Variants in THSD7A observed in about 807,000 individuals in gnomAD.
THSD7A encodes the protein thrombospondin type-1 domain-containing protein 7A.
THSD7A carries 96 observed loss-of-function variants against 231.3 expected under a neutral mutation model. The observed-to-expected ratio is 0.41, with a 90% CI of 0.35 to 0.49. THSD7A has a LOEUF of 0.49. THSD7A is among the 20% of genes least tolerant of loss of function. THSD7A has a pLI of 0.05. For synonymous variants in THSD7A, 940 were observed against 743.3 expected (o/e 1.26, Z -4.30); for missense variants, 2,290 against 2,070.2 (o/e 1.11, Z -2.06).
chr7:11,690,085 T>C (rs1463616824), intron 1 of THSD7A, among the ~76,000 whole-genome samples: 1 of 151,776 alleles, frequency 6.6e-6, no homozygotes, highest in Non-Finnish European at 1.5e-5. Context: ...ATTCCTCTGC[T>C]AAGTATATTT....
intron 1 of THSD7A, among the ~76,000 whole-genome samples, chr7:11,643,090 C>CT (rs780017395): frequency 2.6e-5 from 4 of 152,010 alleles, no homozygotes; most frequent in Non-Finnish European, 5.9e-5. Context: ...ATGAGAACTA[C>CT]TTTTTGTGCT....
chr7:11,589,024 C>T (rs1780042011), intron 4 of THSD7A, among the ~76,000 whole-genome samples: 1 of 152,144 alleles, frequency 6.6e-6, no homozygotes, highest in African/African-American at 2.4e-5. Flanking sequence ...AATTACTGGT[C>T]ACTGGTGTCA....
In THSD7A at chr7:11,411,922, A is replaced by G. The variant is rs1019598934; in HGVS notation, c.3683-600T>C. Among the ~76,000 whole-genome samples, 2 of 151,380 alleles carry G rather than the reference A, an allele frequency of 1.3e-5. No individual in the cohort carries two copies. The highest frequency in any genetic ancestry group is 2.9e-5 in the Non-Finnish European group (2 of 67,934). On this transcript the variant is annotated intron_variant, in intron 18 of 27. Coordinates refer to ENST00000423059, the MANE Select transcript of THSD7A (RefSeq NM_015204.3). This position sits in a 1 kb window ranked among gnomAD's most constrained non-coding sequence, Gnocchi z 4.1. ...AACTGTGATTTTTTTTTTTTGTATCATCAAAGGAAACTGAAGAGAAAAACC... is the reference window on the plus strand; with the variant it reads ...AACTGTGATTTTTTTTTTTTGTATCGTCAAAGGAAACTGAAGAGAAAAACC...
chr7:11,398,384 C>T (rs929971781), intron 23 of THSD7A, among the ~76,000 whole-genome samples: 6 of 151,512 alleles, frequency 4.0e-5, no homozygotes, highest in African/African-American at 9.7e-5. Flanking sequence ...TGGGGCCTGT[C>T]GAGGGGTAGG....
intron 23 of THSD7A, among the ~76,000 whole-genome samples, chr7:11,395,912 A>G (rs891376221): frequency 3.9e-5 from 6 of 151,998 alleles, no homozygotes; most frequent in Admixed American, 2.6e-4. Context: ...TCCTTAGAAA[A>G]TCCAAAAGAA....
intron 4 of THSD7A, among the ~76,000 whole-genome samples, chr7:11,570,092 AC>A (rs1315321782): frequency 2.0e-5 from 3 of 152,112 alleles, no homozygotes; most frequent in Non-Finnish European, 2.9e-5. Context: ...GGATTGCTTC[AC>A]CCAGGAGGTT....
chr7:11,674,621 C>G (rs894957494), intron 1 of THSD7A, among the ~76,000 whole-genome samples: 1 of 152,068 alleles, frequency 6.6e-6, no homozygotes, highest in African/African-American at 2.4e-5. Context: ...AGACACAAAG[C>G]CAATTGATTA....
chr7:11,723,073 A>C (rs1781414714), intron 1 of THSD7A, among the ~76,000 whole-genome samples: 2 of 152,032 alleles, frequency 1.3e-5, no homozygotes, highest in Admixed American at 6.6e-5. Context: ...ACATGGAACC[A>C]ATCCAAATGT....
In THSD7A at chr7:11,758,010, CATATATATATAT is replaced by C. The variant is rs3037680; in HGVS notation, c.190+73735_190+73746del. 9.9e-3 allele frequency among the ~76,000 whole-genome samples: 1,419 copies of C among 142,812 alleles called. 19 individuals are homozygous for C. The highest frequency in any genetic ancestry group is 0.033 in the African/African-American group (1,322 of 39,848). 93.7% of individuals were successfully genotyped at this position (142,812 alleles called of 152,430 possible). On this transcript the variant is annotated intron_variant, in intron 1 of 27. Transcript: ENST00000423059. ...CTAACATTATATATACATATGCATT[CATATATATATAT>C]ATATATATATATATATAATGTTTCA...
At position 11,637,323 on chromosome 7, in the gene THSD7A, C is replaced by T. The variant is rs935310400; in HGVS notation, c.191-362G>A. 3.3e-5 allele frequency among the ~76,000 whole-genome samples: 5 copies of T among 152,210 alleles called. No individual in the cohort carries two copies. The highest frequency in any genetic ancestry group is 6.5e-5 in the Admixed American group (1 of 15,288). On this transcript the variant is annotated intron_variant, in intron 1 of 27. Transcript: ENST00000423059. The surrounding 1 kb of genome is among the most constrained non-coding windows in gnomAD (Gnocchi z 4.2). The stretch of plus-strand genomic sequence containing the variant: ...CTCATTACTCCGGCCTCACAATCAT[C>T]AAATCCATTTCAGTAACTGGCAAAG...
At position 11,727,264 on chromosome 7, in the gene THSD7A, C is replaced by A. The variant is rs544456796; in HGVS notation, c.191-90303G>T. ...TTTTGACTCTCTTAAACCTCTCATT[C>A]ATTCCTTTCCCAGCATCTCTATGCC... On this transcript the variant is annotated intron_variant, in intron 1 of 27. Transcript: ENST00000423059. Among the ~76,000 whole-genome samples, 3 of 152,060 alleles carry A rather than the reference C, an allele frequency of 2.0e-5. No homozygotes were observed. The South Asian group carries it at 6.2e-4, about 32-fold the overall frequency.
At chr7:11,724,551 G>A (rs535271319) in intron 1 of THSD7A, among the ~76,000 whole-genome samples, 3 of 151,652 alleles carry the variant, frequency 2.0e-5, no homozygotes, top group African/African-American at 4.8e-5. Flanking sequence ...GTATATACAC[G>A]CACACATACC....
Position 11,446,179 on chromosome 7 carries a change from C to A in THSD7A, c.2946G>T (p.Leu982Phe), listed in dbSNP as rs1643400146. The change falls in exon 13 of 28, where the codon TTG (leucine) becomes TTT (phenylalanine). Residue 982 changes from leucine to phenylalanine, a missense_variant. By Grantham distance (22) the Leu-to-Phe change is conservative. Coordinates refer to ENST00000423059, the MANE Select transcript of THSD7A (RefSeq NM_015204.3). This position sits in a 1 kb window ranked among gnomAD's most constrained non-coding sequence, Gnocchi z 4.0. Reference protein sequence around the residue: ...CILPEGKVEVLLGMKVQGDIK... With the variant: ...CILPEGKVEVFLGMKVQGDIK... ...TGTCTCCTTGTACTTTCATTCCCAG[C>A]AACACTTCCACTTTTCCCTCTGGTA... 5.0e-6 allele frequency: 8 copies of A among 1,613,570 alleles called. No individual in the cohort carries two copies. In the East Asian group the frequency reaches 6.7e-5, roughly 13 times the overall value.
intron 17 of THSD7A, among the ~76,000 whole-genome samples, chr7:11,414,306 C>T (rs1783887738): frequency 8.5e-5 from 13 of 152,206 alleles, no homozygotes; most frequent in Admixed American, 8.5e-4. Context: ...AAAATCCCAC[C>T]CTTGGATCAT....
chr7:11,793,272 C>CTA (rs1363869423), intron 1 of THSD7A, among the ~76,000 whole-genome samples: 1 of 151,840 alleles, frequency 6.6e-6, no homozygotes, highest in Non-Finnish European at 1.5e-5. Flanking sequence ...CAAAACATAA[C>CTA]AATGGCCGAA....
At chr7:11,812,634 AT>A (rs1784565689) in intron 1 of THSD7A, among the ~76,000 whole-genome samples, 1 of 152,210 alleles carries the variant, frequency 6.6e-6, no homozygotes, top group African/African-American at 2.4e-5. Context: ...AAAATATTAA[AT>A]GCAAACTTCA....
chr7:11,757,242 G>C (rs1407997127), intron 1 of THSD7A, among the ~76,000 whole-genome samples: 1 of 151,862 alleles, frequency 6.6e-6, no homozygotes, highest in Non-Finnish European at 1.5e-5. Flanking sequence ...GACAAAACTT[G>C]GTATTTATCA....
chr7:11,780,258 C>T (rs906240882), intron 1 of THSD7A, among the ~76,000 whole-genome samples: 24 of 152,276 alleles, frequency 1.6e-4, no homozygotes, highest in Middle Eastern at 3.4e-3. Flanking sequence ...AATACCATCA[C>T]ATTATGATGG....
intron 2 of THSD7A, among the ~76,000 whole-genome samples, chr7:11,619,402 CTTTTT>C (rs10706554): frequency 3.1e-5 from 4 of 127,774 alleles, no homozygotes; most frequent in Admixed American, 7.9e-5. Context: ...TCTTACTGTA[CTTTTT>C]TTTTTTTTTT....
Sources: gnomAD v4.1 joint callset for allele counts (sites outside exome capture counted in the v4.1 genomes callset) on GRCh38, gnomAD v4.1.1 for gene constraint, Gnocchi (gnomAD v3.1) non-coding constraint, MANE v1.5 for transcripts, NCBI Gene and HGNC (gene_info 2026-07-23, HGNC 2026-07-21) for gene names.